CAMKMT: variants seen among roughly 807,000 people sequenced by gnomAD.
CAMKMT encodes CaM KMT.
A neutral mutation model predicts 48.0 loss-of-function variants in CAMKMT; 53 were observed. The ratio of observed to expected loss-of-function variants is 1.10; its 90% CI spans 0.89 to 1.39. The LOEUF (loss-of-function observed/expected upper bound fraction) is 1.39, where lower values mean the gene tolerates loss of function less well. Ranked by LOEUF, CAMKMT falls within the 40% of genes most tolerant of loss-of-function variation. The probability of loss-of-function intolerance (pLI) is 0.00; values close to 1 mark genes in which losing one functional copy is unlikely to be tolerated. For missense variants in CAMKMT, 428 were observed against 402.7 expected (o/e 1.06, Z -0.54); for synonymous variants, 165 against 152.3 (o/e 1.08, Z -0.61).
intron 3 of CAMKMT, among the ~76,000 whole-genome samples, chr2:44,503,933 T>C (rs1007987085): frequency 2.0e-5 from 3 of 150,262 alleles, no homozygotes; most frequent in Non-Finnish European, 4.4e-5. Context: ...ATGAATTTAC[T>C]TGTGGAGAGA....
intron 3 of CAMKMT, among the ~76,000 whole-genome samples, chr2:44,500,116 T>C (rs1453385704): frequency 2.6e-5 from 4 of 152,160 alleles, no homozygotes; most frequent in African/African-American, 9.6e-5. Context: ...AACTGTTGAC[T>C]AAAATATAAG....
intron 3 of CAMKMT, among the ~76,000 whole-genome samples, chr2:44,496,213 CT>C (rs749674621): frequency 6.6e-6 from 1 of 152,188 alleles, no homozygotes; most frequent in Non-Finnish European, 1.5e-5. Flanking sequence ...TACTTTTCCT[CT>C]GGAATAAATC....
intron 3 of CAMKMT, among the ~76,000 whole-genome samples, chr2:44,409,104 T>TTGCTACATAAAAACA (rs1558587771): frequency 2.8e-4 from 1 of 3,522 alleles, no homozygotes; most frequent in African/African-American, 1.1e-3. Flanking sequence ...TATATATATA[T>TTGCTACATAAAAACA]ATATATATAT....
intron 3 of CAMKMT, among the ~76,000 whole-genome samples, chr2:44,562,759 A>G (rs763804073): frequency 3.9e-4 from 60 of 152,082 alleles, no homozygotes; most frequent in Non-Finnish European, 6.8e-4. Flanking sequence ...CGGGGTTTCA[A>G]CATGTTGGCC....
chr2:44,364,551 C>A (rs1678391755), intron 1 of CAMKMT, among the ~76,000 whole-genome samples: 3 of 152,124 alleles, frequency 2.0e-5, no homozygotes, highest in African/African-American at 4.8e-5. Flanking sequence ...AGCACAGGGC[C>A]TGGTTAATTG....
At chr2:44,530,340 G>C (rs1214987613) in intron 3 of CAMKMT, among the ~76,000 whole-genome samples, 1 of 152,154 alleles carries the variant, frequency 6.6e-6, no homozygotes, top group African/African-American at 2.4e-5. Flanking sequence ...ACCACTATGT[G>C]ACTTTGAGAT....
Position 44,534,948 on chromosome 2 carries a change from CT to C in CAMKMT, c.376+144649del, listed in dbSNP as rs1232124133. On this transcript the variant is annotated intron_variant, in intron 3 of 10. Transcript: ENST00000378494. ...AAGGATCAGTGAAATGAAAAGTTGG[CT>C]TTTTTAACATATAAAGTTGATAAAT... 2.6e-5 allele frequency among the ~76,000 whole-genome samples: 4 copies of C among 151,548 alleles called. No homozygotes were observed. The East Asian group carries it at 5.8e-4, about 22-fold the overall frequency.
At chr2:44,642,266 A>G (rs543480580) in intron 3 of CAMKMT, among the ~76,000 whole-genome samples, 25 of 152,346 alleles carry the variant, frequency 1.6e-4, no homozygotes, top group African/African-American at 6.0e-4. Flanking sequence ...ATAGATGGGA[A>G]CAAACCTAAA....
intron 3 of CAMKMT, among the ~76,000 whole-genome samples, chr2:44,432,262 A>G (rs1277627549): frequency 1.3e-5 from 2 of 152,094 alleles, no homozygotes; most frequent in East Asian, 3.8e-4. Flanking sequence ...TACTTGAGTA[A>G]TTTTCCTCCC....
chr2:44,748,306 G>T (rs1360157414), intron 8 of CAMKMT, among the ~76,000 whole-genome samples: 1 of 152,264 alleles, frequency 6.6e-6, no homozygotes, highest in African/African-American at 2.4e-5. Context: ...GTTAAGCTGT[G>T]ATGTTAACAT....
chr2:44,673,830 G>A (rs1050705200), intron 3 of CAMKMT, among the ~76,000 whole-genome samples: 1 of 152,154 alleles, frequency 6.6e-6, no homozygotes, highest in Non-Finnish European at 1.5e-5. Context: ...CAAAGAATTT[G>A]GGAAAGATTA....
chr2:44,421,283 T>A (rs1683921296), intron 3 of CAMKMT, among the ~76,000 whole-genome samples: 1 of 152,146 alleles, frequency 6.6e-6, no homozygotes, highest in Admixed American at 6.5e-5. Context: ...TACTTTGGAA[T>A]TTTTTTGGCA....
chr2:44,591,387 C>G (rs956384862), intron 3 of CAMKMT, among the ~76,000 whole-genome samples: 3 of 152,098 alleles, frequency 2.0e-5, no homozygotes, highest in Non-Finnish European at 2.9e-5. Context: ...TACCCATGAG[C>G]ATGGAATGTT....
At chr2:44,541,088 A>G (rs1426963480) in intron 3 of CAMKMT, among the ~76,000 whole-genome samples, 1 of 152,214 alleles carries the variant, frequency 6.6e-6, no homozygotes, top group Admixed American at 6.5e-5. Context: ...GTGTGCCAGT[A>G]TCACAATGTT....
chr2:44,448,757 A>G (rs1667137073), intron 3 of CAMKMT, among the ~76,000 whole-genome samples: 1 of 152,176 alleles, frequency 6.6e-6, no homozygotes, highest in Admixed American at 6.6e-5. Flanking sequence ...GTATCTCTGT[A>G]AATCAGTGAG....
chr2:44,523,092 C>A (rs541055894), intron 3 of CAMKMT, among the ~76,000 whole-genome samples: 33 of 152,034 alleles, frequency 2.2e-4, no homozygotes, highest in South Asian at 4.2e-4. Flanking sequence ...TACAACAGCA[C>A]CAAACTTTTA....
At chr2:44,402,918 T>G (rs1213370214) in intron 3 of CAMKMT, among the ~76,000 whole-genome samples, 1 of 141,466 alleles carries the variant, frequency 7.1e-6, no homozygotes, top group Non-Finnish European at 1.5e-5. Context: ...AAGATATTAC[T>G]GAAAGTTTTT....
chr2:44,707,965 C>A (rs1677653551), intron 6 of CAMKMT, among the ~76,000 whole-genome samples: 1 of 151,994 alleles, frequency 6.6e-6, no homozygotes, highest in Non-Finnish European at 1.5e-5. Flanking sequence ...TTCATTATTT[C>A]CTTTTATTTA....
At chr2:44,508,656 A>G (rs1179181425) in intron 3 of CAMKMT, among the ~76,000 whole-genome samples, 1 of 152,212 alleles carries the variant, frequency 6.6e-6, no homozygotes, top group Non-Finnish European at 1.5e-5. Context: ...GCCTGGATAG[A>G]TTGAATAACT....
Sources: allele counts gnomAD v4.1 joint callset (sites outside exome capture counted in the v4.1 genomes callset), GRCh38; gene constraint gnomAD v4.1.1; transcripts MANE v1.5; gene names NCBI Gene and HGNC (gene_info 2026-07-23, HGNC 2026-07-21).